BCAP29: variants seen among roughly 807,000 people sequenced by gnomAD.
BCAP29 encodes B cell receptor associated protein 29.
A neutral mutation model predicts 31.8 loss-of-function variants in BCAP29; 34 were observed. That is an observed-to-expected ratio of 1.07 (90% CI 0.81 to 1.42). The LOEUF (loss-of-function observed/expected upper bound fraction) is 1.42. Ranked by LOEUF, BCAP29 falls within the 40% of genes most tolerant of loss-of-function variation. The pLI, the probability that BCAP29 is intolerant of heterozygous loss-of-function variation, is 0.00. For missense variants in BCAP29, 314 were observed against 269.2 expected (o/e 1.17, Z -1.16); for synonymous variants, 104 against 91.3 (o/e 1.14, Z -0.79).
downstream of BCAP29, chr7:107,621,907 A>C (rs1465270090): frequency 1.9e-6 from 1 of 534,694 alleles, no homozygotes. Flanking sequence ...TGCCATAGTA[A>C]ATTAATACAG....
intron 5 of BCAP29, 105 bp from the exon 6 acceptor site, chr7:107,600,292 A>G (rs995486187): frequency 1.4e-6 from 1 of 729,110 alleles, no homozygotes; most frequent in Non-Finnish European, 2.4e-6. Flanking sequence ...CAAAGAATAA[A>G]TTATAAACAG....
At chr7:107,593,696 A>G (rs774887502) in intron 3 of BCAP29, among the ~76,000 whole-genome samples, 2 of 152,218 alleles carry the variant, frequency 1.3e-5, no homozygotes, top group Non-Finnish European at 2.9e-5. Context: ...ATGAGAAACA[A>G]TAAAATGATG....
At chr7:107,617,106 G>A (rs1814326665) in intron 7 of BCAP29, among the ~76,000 whole-genome samples, 2 of 152,052 alleles carry the variant, frequency 1.3e-5, no homozygotes, top group Non-Finnish European at 2.9e-5. Context: ...GCAAAAGATA[G>A]TTACAGATCC....
chr7:107,594,586 C>T (rs969439490), intron 4 of BCAP29, among the ~76,000 whole-genome samples: 1 of 152,068 alleles, frequency 6.6e-6, no homozygotes, highest in Admixed American at 6.6e-5. Context: ...ACTGCAAGCT[C>T]CACCTCCTGG....
intron 7 of BCAP29, among the ~76,000 whole-genome samples, chr7:107,614,516 C>T (rs540187502): frequency 6.6e-6 from 1 of 152,272 alleles, no homozygotes; most frequent in African/African-American, 2.4e-5. Context: ...TGACAGTAAA[C>T]ACTCAAGAAA....
chr7:107,614,549 C>A (rs1813784244), intron 7 of BCAP29, among the ~76,000 whole-genome samples: 1 of 152,138 alleles, frequency 6.6e-6, no homozygotes, highest in East Asian at 1.9e-4. Flanking sequence ...TCATCATCAT[C>A]TGTATTACTT....
intron 5 of BCAP29, among the ~76,000 whole-genome samples, chr7:107,598,431 T>C (rs1288553635): frequency 3.9e-5 from 6 of 152,194 alleles, no homozygotes; most frequent in Admixed American, 3.3e-4. Context: ...ATATAATATA[T>C]GCATTAGAGC....
At chr7:107,614,898 G>GT (rs1813841551) in intron 7 of BCAP29, among the ~76,000 whole-genome samples, 1 of 152,158 alleles carries the variant, frequency 6.6e-6, no homozygotes, top group Admixed American at 6.5e-5. Flanking sequence ...ATTATTCGTG[G>GT]TATCTTTCAA....
intron 3 of BCAP29, among the ~76,000 whole-genome samples, chr7:107,589,173 T>A (rs10281535): frequency 1.2e-4 from 19 of 152,066 alleles, no homozygotes; most frequent in African/African-American, 1.7e-4. Flanking sequence ...GTCCCCACCC[T>A]TTTTGGCACC....
rs1053837297 is a variant in BCAP29 at position 107,600,439 on chromosome 7, G to A, written c.523G>A (p.Ala175Thr). Residue 175 changes from alanine to threonine, a missense_variant, in exon 6 of 8, where the codon GCA (alanine) becomes ACA (threonine). Ala to Thr is a moderately conservative substitution (Grantham distance 58). Transcript: ENST00000005259. ...HGKDEECVLE[A>T]ENKKLVEDQE... is the part of the protein sequence containing the mutation. ...TAAAGATGAAGAATGTGTTTTGGAA[G>A]CAGAAAATAAAAAACTAGTAGAAGA... 6 of 1,610,904 alleles carry A rather than the reference G, an allele frequency of 3.7e-6. No individual in the cohort carries two copies. Among genetic ancestry groups the A allele is most frequent in the Non-Finnish European group, 4.2e-6 (5 of 1,178,028 alleles).
In BCAP29 at chr7:107,583,909, CTG is replaced by C. The variant is rs1491020698; in HGVS notation, c.121_122del (p.Trp41GlyfsTer2). 1 of 1,577,850 alleles carries C rather than the reference CTG, an allele frequency of 6.3e-7. No homozygotes were observed. The highest frequency in any genetic ancestry group is 1.2e-5 in the South Asian group (1 of 84,038). Reference protein sequence around the residue: ...RWQKIFSFNVWGKIATFWNKA... With the variant: ...RWQKIFSFNVXGKIATFWNKA... ...GGCAGAAGATTTTTTCATTTAATGT[CTG>C]GGGTAAAATTGCAACTTTTTGGAAC... On this transcript the variant is annotated frameshift_variant, in exon 3 of 8. Coordinates refer to ENST00000005259, the MANE Select transcript of BCAP29 (RefSeq NM_018844.4). LOFTEE classifies it high-confidence loss of function.
At chr7:107,608,458 ATTTGTTTGTTTG>A (rs753945661) in intron 6 of BCAP29, among the ~76,000 whole-genome samples, 10 of 149,692 alleles carry the variant, frequency 6.7e-5, no homozygotes, top group Admixed American at 2.0e-4. Context: ...CATTTTGGAT[ATTTGTTTGTTTG>A]TTTGTTTGTT....
At chr7:107,584,747 C>T (rs890658850) in intron 3 of BCAP29, among the ~76,000 whole-genome samples, 14 of 151,936 alleles carry the variant, frequency 9.2e-5, no homozygotes, top group South Asian at 2.1e-4. Flanking sequence ...TGGGGACTAC[C>T]GCAAAAATTT....
chr7:107,594,847 A>G (rs988225899), intron 4 of BCAP29, among the ~76,000 whole-genome samples: 1 of 152,080 alleles, frequency 6.6e-6, no homozygotes, highest in Non-Finnish European at 1.5e-5. Context: ...CAGATGATAT[A>G]CCCAAATAAC....
chr7:107,586,978 A>G (rs1191175829), intron 3 of BCAP29, among the ~76,000 whole-genome samples: 1 of 151,982 alleles, frequency 6.6e-6, no homozygotes, highest in Non-Finnish European at 1.5e-5. Flanking sequence ...CGATCCGCCC[A>G]CTTCGGCTTC....
At chr7:107,600,288 A>C in intron 5 of BCAP29, 109 bp from the exon 6 acceptor site, 1 of 720,350 alleles carries the variant, frequency 1.4e-6, no homozygotes, top group South Asian at 1.6e-5. Flanking sequence ...AGGACAAAGA[A>C]TAAATTATAA....
At chr7:107,604,683 TTG>T (rs1278496521) in intron 6 of BCAP29, among the ~76,000 whole-genome samples, 15 of 146,130 alleles carry the variant, frequency 1.0e-4, no homozygotes, top group African/African-American at 3.7e-4. Flanking sequence ...GTTGTTGTTG[TTG>T]TTTTTTTTTT....
downstream of BCAP29, chr7:107,622,211 C>T (rs1815037967): frequency 5.6e-6 from 1 of 179,648 alleles, no homozygotes; most frequent in African/African-American, 2.4e-5. Context: ...CAGCAGCCAC[C>T]TGGTTTAAAA....
At chr7:107,607,112 T>C (rs1812246054) in intron 6 of BCAP29, among the ~76,000 whole-genome samples, 2 of 152,130 alleles carry the variant, frequency 1.3e-5, no homozygotes, top group Non-Finnish European at 2.9e-5. Flanking sequence ...CTCAGGAGTT[T>C]GAGGCCAGCC....
Sources: gnomAD v4.1 joint callset for allele counts (sites outside exome capture counted in the v4.1 genomes callset) on GRCh38, gnomAD v4.1.1 for gene constraint, MANE v1.5 for transcripts, NCBI Gene and HGNC (gene_info 2026-07-23, HGNC 2026-07-21) for gene names.